The following ARNT2 variants were observed in gnomAD, a reference collection of about 807,000 sequenced individuals.
ARNT2 encodes aryl hydrocarbon receptor nuclear translocator 2.
A neutral mutation model predicts 91.7 loss-of-function variants in ARNT2; 36 were observed. The observed-to-expected ratio is 0.39, with a 90% CI of 0.30 to 0.52. The LOEUF is 0.52. Among genes scored for constraint, ARNT2 ranks in the 20% least tolerant of loss-of-function variants. ARNT2 has a pLI of 0.72. For synonymous variants in ARNT2, 365 were observed against 347.1 expected (o/e 1.05, Z -0.57); for missense variants, 775 against 939.3 (o/e 0.83, Z 2.29).
At chr15:80,441,121 G>A (rs1286721041) in intron 1 of ARNT2, 6 of 737,186 alleles carry the variant, frequency 8.1e-6, no homozygotes, top group East Asian at 1.3e-4. Flanking sequence ...CCAAGTAACC[G>A]ATTTTTCAGA....
At chr15:80,529,432 A>G (rs908494257) in intron 8 of ARNT2, among the ~76,000 whole-genome samples, 4 of 152,144 alleles carry the variant, frequency 2.6e-5, no homozygotes, top group East Asian at 1.9e-4. Context: ...CAAAGTACCT[A>G]CAGATCAGCA....
intron 1 of ARNT2, among the ~76,000 whole-genome samples, chr15:80,411,403 A>G (rs986554888): frequency 7.9e-5 from 12 of 152,116 alleles, no homozygotes; most frequent in African/African-American, 2.4e-4. Context: ...ACTGTCTTTT[A>G]TTTTGTATGT....
intron 1 of ARNT2, among the ~76,000 whole-genome samples, chr15:80,437,576 C>T (rs1450258711): frequency 1.3e-5 from 2 of 152,234 alleles, no homozygotes; most frequent in Admixed American, 6.5e-5. Context: ...CTCTTTGAAA[C>T]TCAGTAGCTA....
intron 8 of ARNT2, among the ~76,000 whole-genome samples, chr15:80,520,777 G>C (rs60274079): frequency 6.6e-6 from 1 of 152,044 alleles, no homozygotes. Context: ...GTTTGGATAC[G>C]TGGGTGTTTG....
In ARNT2 at chr15:80,596,904, CTG is replaced by C. The variant is rs1893383200; in HGVS notation, c.*3208_*3209del. The stretch of plus-strand genomic sequence containing the variant: ...TGGCCAAGGATGGCTCTAGAACACT[CTG>C]TCCATGCGTCACTCCCCCCAGTTTT... On this transcript the variant is annotated 3_prime_UTR_variant, in exon 19 of 19. Transcript: ENST00000303329. 1 of 349,374 alleles carries C rather than the reference CTG, an allele frequency of 2.9e-6. No homozygotes were observed. The highest frequency in any genetic ancestry group is 5.7e-6 in the Non-Finnish European group (1 of 176,890). The allele number at this position is 349,374 out of a possible 1,614,324, so 21.6% of individuals were successfully genotyped here.
intron 1 of ARNT2, among the ~76,000 whole-genome samples, chr15:80,409,781 T>C (rs1895654901): frequency 6.6e-6 from 1 of 152,102 alleles, no homozygotes; most frequent in African/African-American, 2.4e-5. Context: ...TTGAAGTCAG[T>C]GAAAGCCTCT....
intron 5 of ARNT2, among the ~76,000 whole-genome samples, chr15:80,480,950 T>G (rs751755412): frequency 6.6e-6 from 1 of 152,206 alleles, no homozygotes; most frequent in Non-Finnish European, 1.5e-5. Flanking sequence ...GCGATCAGCC[T>G]CTCCTTCCCC....
rs533904581 is a variant in ARNT2 at position 80,574,747 on chromosome 15, A to T, written c.1390-240A>T. ...ATTTCTCACTCTCTCTAAGAAAGTA[A>T]TCAGTGTGACTCTGCTGTCCTTCCT... On this transcript the variant is annotated intron_variant, in intron 13 of 18. Coordinates refer to ENST00000303329, the MANE Select transcript of ARNT2 (RefSeq NM_014862.4). Among the ~76,000 whole-genome samples the T allele has an allele frequency of 5.9e-5, 9 of 152,290 alleles. No homozygotes were observed. The East Asian group carries it at 1.7e-3, about 29-fold the overall frequency.
At position 80,595,090 on chromosome 15, in the gene ARNT2, C is replaced by T. The variant is rs4301984; in HGVS notation, c.*1392C>T. The T allele has an allele frequency of 0.2, 31,118 of 152,292 alleles. 3,443 individuals carry two copies. The highest frequency in any genetic ancestry group is 0.27 in the African/African-American group (11,158 of 41,486). 9.4% of individuals were successfully genotyped at this position (152,292 alleles called of 1,614,324 possible). A position where few individuals can be genotyped will look rare whatever the true frequency, so the allele number is the denominator to read the frequency against. Reference sequence around the variant, plus strand: ...ATTTGAGGAGAGTTTATGAATCCATCCCCCTGTTTTCAGGGACCTCTGCCT... The same window carrying T: ...ATTTGAGGAGAGTTTATGAATCCATTCCCCTGTTTTCAGGGACCTCTGCCT... On this transcript the variant is annotated 3_prime_UTR_variant, in exon 19 of 19. Coordinates refer to ENST00000303329, the MANE Select transcript of ARNT2 (RefSeq NM_014862.4).
rs770889424 is a variant in ARNT2 at position 80,593,627 on chromosome 15, A to T, written c.2083A>T (p.Thr695Ser). 6.2e-7 allele frequency: 1 copy of T among 1,604,824 alleles called. No individual in the cohort carries two copies. The highest frequency in any genetic ancestry group is 1.3e-5 in the African/African-American group (1 of 74,850). The change falls in exon 19 of 19, where the codon ACC becomes TCC. Residue 695 changes from threonine to serine, a missense_variant. Physicochemically the swap from Thr to Ser is moderately conservative, Grantham distance 58 (BLOSUM62 1). Around this residue, in one of 5 missense-constraint regions of ARNT2, gnomAD observed 325 missense variants for 359.9 expected, o/e 0.90. Transcript: ENST00000303329. The part of the protein sequence containing the change: ...QDMLPMPGDP[T>S]QGTGNYNIED... ...CATGCTGCCCATGCCAGGAGATCCA[A>T]CCCAGGGGACTGGCAACTATAACAT... is the stretch of plus-strand genomic sequence containing the variant.
chr15:80,429,411 C>A (rs142614896), intron 1 of ARNT2, among the ~76,000 whole-genome samples: 1 of 152,326 alleles, frequency 6.6e-6, no homozygotes, highest in East Asian at 1.9e-4. Context: ...GGGAACCTCC[C>A]GGTTGGTGAA....
rs890992589 is a variant in ARNT2 at position 80,513,613 on chromosome 15, G to A, written c.726-298G>A. ...GAAATGATCTGCAGGACTGAGCATG[G>A]CCAGGTCTCTCCTAGAGTCTTTCTG... On this transcript the variant is annotated intron_variant, in intron 6 of 18. Coordinates refer to ENST00000303329, the MANE Select transcript of ARNT2 (RefSeq NM_014862.4). Among the ~76,000 whole-genome samples, 13 of 151,548 alleles carry A rather than the reference G, an allele frequency of 8.6e-5. 1 individual carries two copies. The highest frequency in any genetic ancestry group is 7.2e-4 in the Admixed American group (11 of 15,180).
At chr15:80,554,046 C>T (rs1463158312) in intron 10 of ARNT2, among the ~76,000 whole-genome samples, 1 of 152,238 alleles carries the variant, frequency 6.6e-6, no homozygotes, top group African/African-American at 2.4e-5. Flanking sequence ...TTGCCAGTGT[C>T]AGCATTCACT....
At chr15:80,411,943 G>T (rs1468777636) in intron 1 of ARNT2, among the ~76,000 whole-genome samples, 1 of 152,222 alleles carries the variant, frequency 6.6e-6, no homozygotes, top group Admixed American at 6.5e-5. Context: ...TGCCTTCTGT[G>T]TTGTGTGTGA....
intron 1 of ARNT2, among the ~76,000 whole-genome samples, chr15:80,416,426 C>T (rs1459208286): frequency 6.6e-6 from 1 of 152,118 alleles, no homozygotes; most frequent in African/African-American, 2.4e-5. Flanking sequence ...CACGTAACTA[C>T]AATTTATGAC....
intron 11 of ARNT2, among the ~76,000 whole-genome samples, chr15:80,561,119 C>G (rs926792413): frequency 2.6e-5 from 4 of 152,280 alleles, no homozygotes; most frequent in African/African-American, 9.6e-5. Context: ...TGTCCCTGTC[C>G]CCATGCTGCA....
chr15:80,479,997 C>T (rs745874441), intron 5 of ARNT2, among the ~76,000 whole-genome samples: 14 of 152,028 alleles, frequency 9.2e-5, no homozygotes, highest in Non-Finnish European at 1.8e-4. Context: ...GAGCTGGCCT[C>T]GGTGGTATTG....
At chr15:80,469,908 C>T (rs1352802737) in intron 3 of ARNT2, among the ~76,000 whole-genome samples, 1 of 152,204 alleles carries the variant, frequency 6.6e-6, no homozygotes, top group African/African-American at 2.4e-5. Flanking sequence ...AGCCACCGTG[C>T]CCAGCCCTCG....
At chr15:80,545,240 C>T (rs547037138) in intron 8 of ARNT2, among the ~76,000 whole-genome samples, 119 of 152,342 alleles carry the variant, frequency 7.8e-4, no homozygotes, top group Middle Eastern at 3.4e-3. Flanking sequence ...GCTCTTTAGT[C>T]AGCTGAGTGT....
Sources: allele counts gnomAD v4.1 joint callset (sites outside exome capture counted in the v4.1 genomes callset), GRCh38; gene constraint gnomAD v4.1.1; regional missense constraint gnomAD v4.1.1; transcripts MANE v1.5; gene names NCBI Gene and HGNC (gene_info 2026-07-23, HGNC 2026-07-21).